The following RAB3GAP1 variants were observed in gnomAD, a reference collection of about 807,000 sequenced individuals.
RAB3GAP1 encodes rab3 GTPase-activating protein catalytic subunit.
RAB3GAP1 carries 86 observed loss-of-function variants against 130.7 expected under a neutral mutation model. The observed-to-expected ratio is 0.66, with a 90% CI of 0.55 to 0.79. The LOEUF (loss-of-function observed/expected upper bound fraction) is 0.79, where lower values mean the gene tolerates loss of function less well. Ranked by LOEUF, RAB3GAP1 falls within the 30% of genes least tolerant of loss-of-function variation. RAB3GAP1 has a pLI of 0.00. For missense variants in RAB3GAP1, 1,029 were observed against 1,169.4 expected, an observed-to-expected ratio of 0.88 and a Z score of 1.75; for synonymous variants, 367 against 401.7, an observed-to-expected ratio of 0.91 and a Z score of 1.03.
chr2:135,086,491 TAATC>T (rs1388850774), intron 3 of RAB3GAP1, among the ~76,000 whole-genome samples: 1 of 152,072 alleles, frequency 6.6e-6, no homozygotes, highest in Non-Finnish European at 1.5e-5. Flanking sequence ...ATCTGGTAAT[TAATC>T]AGAATTACTG....
chr2:135,147,964 G>T (rs1440738404), intron 17 of RAB3GAP1, among the ~76,000 whole-genome samples: 1 of 133,608 alleles, frequency 7.5e-6, no homozygotes, highest in Non-Finnish European at 1.5e-5. Context: ...TAAATTTAGT[G>T]CTTTATTTTT....
intron 22 of RAB3GAP1, 36 bp downstream of exon 22, chr2:135,163,137 G>A: frequency 6.9e-7 from 1 of 1,450,940 alleles, no homozygotes; most frequent in Non-Finnish European, 9.7e-7. Flanking sequence ...TTTGTCTGCA[G>A]TAGGAAAAGC....
intron 17 of RAB3GAP1, among the ~76,000 whole-genome samples, chr2:135,144,553 A>T (rs530318567): frequency 6.6e-6 from 1 of 152,218 alleles, no homozygotes; most frequent in Non-Finnish European, 1.5e-5. Context: ...GAGTTTCTCA[A>T]TCCAGTCTGT....
In RAB3GAP1 at chr2:135,160,399, C is replaced by T. The variant is rs114278317; in HGVS notation, c.2290-2156C>T. The stretch of plus-strand genomic sequence containing the variant: ...AAAAGACACATTTTGCGGCCGGGCG[C>T]GGTGGCTCATGCCTGTAATCTCAGC... On this transcript the variant is annotated intron_variant, in intron 19 of 23. Transcript: ENST00000264158. Among the ~76,000 whole-genome samples, 1,495 of 152,078 alleles carry T rather than the reference C, an allele frequency of 9.8e-3. 23 individuals carry two copies. Among genetic ancestry groups the T allele is most frequent in the African/African-American group, 0.035 (1,443 of 41,472 alleles).
chr2:135,086,221 T>G (rs1689977683), intron 3 of RAB3GAP1, among the ~76,000 whole-genome samples: 1 of 152,186 alleles, frequency 6.6e-6, no homozygotes, highest in African/African-American at 2.4e-5. Flanking sequence ...TTTCCTTTCT[T>G]TGGGTATATT....
At chr2:135,127,979 T>C (rs1691407383) in intron 11 of RAB3GAP1, among the ~76,000 whole-genome samples, 2 of 152,178 alleles carry the variant, frequency 1.3e-5, no homozygotes, top group Non-Finnish European at 1.5e-5. Flanking sequence ...TCTCCTTTTC[T>C]TTATGTTCAT....
chr2:135,121,820 C>T (rs1003219615), intron 8 of RAB3GAP1, among the ~76,000 whole-genome samples: 7 of 152,124 alleles, frequency 4.6e-5, no homozygotes, highest in African/African-American at 9.7e-5. Context: ...AGGCCGGGCA[C>T]GGTGACTCAC....
At chr2:135,064,069 A>G (rs1689249989) in intron 3 of RAB3GAP1, among the ~76,000 whole-genome samples, 1 of 152,066 alleles carries the variant, frequency 6.6e-6, no homozygotes, top group Admixed American at 6.5e-5. Context: ...AGGTAGATAT[A>G]TTCATATTTT....
chr2:135,103,726 GC>G (rs201572409), intron 5 of RAB3GAP1, among the ~76,000 whole-genome samples: 7 of 152,060 alleles, frequency 4.6e-5, no homozygotes, highest in African/African-American at 1.7e-4. Context: ...TTCTTTGTTG[GC>G]GGGGGAGGGA....
chr2:135,081,327 A>AAATATATAT (rs1363481112), intron 3 of RAB3GAP1, among the ~76,000 whole-genome samples: 7 of 64,052 alleles, frequency 1.1e-4, no homozygotes, highest in African/African-American at 2.8e-4. Context: ...AAAAAAAAAA[A>AAATATATAT]ATATATATAT....
intron 9 of RAB3GAP1, 29 bp downstream of exon 9, chr2:135,124,275 G>A (rs944098643): frequency 6.3e-7 from 1 of 1,583,174 alleles, no homozygotes; most frequent in East Asian, 2.2e-5. Context: ...CATTTGAATT[G>A]TGGGAATATT....
At chr2:135,172,976 C>T (rs984352124), downstream of RAB3GAP1, among the ~76,000 whole-genome samples, 6 of 152,068 alleles carry the variant, frequency 3.9e-5, no homozygotes, top group South Asian at 2.1e-4. Context: ...CCACATGGTG[C>T]GGAATGGAAG....
chr2:135,120,524 C>T (rs1691164350), intron 7 of RAB3GAP1, among the ~76,000 whole-genome samples: 1 of 152,312 alleles, frequency 6.6e-6, no homozygotes, highest in South Asian at 2.1e-4. Context: ...CCTGTTCATC[C>T]CTGATCCACC....
intron 19 of RAB3GAP1, among the ~76,000 whole-genome samples, chr2:135,159,676 C>T (rs375857666): frequency 2.0e-5 from 3 of 152,272 alleles, no homozygotes; most frequent in Non-Finnish European, 2.9e-5. Context: ...AAGGAAACCG[C>T]GTACATACAT....
At chr2:135,137,459 A>T (rs1357386756) in intron 17 of RAB3GAP1, 1 of 154,218 alleles carries the variant, frequency 6.5e-6, no homozygotes, top group Non-Finnish European at 1.4e-5. Context: ...AGATGACAGA[A>T]GCCAAAATAA....
chr2:135,146,229 A>AG (rs1489645712), intron 17 of RAB3GAP1, among the ~76,000 whole-genome samples: 1 of 142,394 alleles, frequency 7.0e-6, no homozygotes, highest in Non-Finnish European at 1.5e-5. Context: ...TTTTGAGACA[A>AG]GGTCTTGCTC....
chr2:135,126,364 TC>T, intron 10 of RAB3GAP1, 115 bp downstream of exon 10: 1 of 972,664 alleles, frequency 1.0e-6, no homozygotes, highest in South Asian at 1.5e-5. Flanking sequence ...ATTTTAGTGT[TC>T]CCTTTTGTGT....
At chr2:135,088,777 G>T (rs1399859675) in intron 3 of RAB3GAP1, among the ~76,000 whole-genome samples, 2 of 149,824 alleles carry the variant, frequency 1.3e-5, no homozygotes, top group Non-Finnish European at 3.0e-5. Context: ...TTGTAAATTT[G>T]TTTAAGTTCT....
chr2:135,112,972 TGATG>T (rs1690857638), intron 5 of RAB3GAP1, among the ~76,000 whole-genome samples, 175 bp from the exon 6 acceptor site: 1 of 152,130 alleles, frequency 6.6e-6, no homozygotes, highest in Non-Finnish European at 1.5e-5. Context: ...AGTAGGTGGA[TGATG>T]GAAGTGCTTC....
Sources: gnomAD v4.1 joint callset for allele counts (sites outside exome capture counted in the v4.1 genomes callset) on GRCh38, gnomAD v4.1.1 for gene constraint, MANE v1.5 for transcripts, NCBI Gene and HGNC (gene_info 2026-07-23, HGNC 2026-07-21) for gene names.